ERC2: variants seen among roughly 807,000 people sequenced by gnomAD.
The protein encoded by ERC2 is ERC protein 2.
Under a neutral mutation model 114.8 loss-of-function variants are expected in ERC2, and 42 were observed. The observed-to-expected ratio is 0.37, with a 90% CI of 0.29 to 0.47. The LOEUF (loss-of-function observed/expected upper bound fraction) is 0.47, where lower values mean the gene tolerates loss of function less well. ERC2 is among the 20% of genes least tolerant of loss of function. The pLI is 0.99. For missense variants in ERC2, 939 were observed against 1,150.7 expected, an observed-to-expected ratio of 0.82 and a Z score of 2.66; for synonymous variants, 454 against 425.5, an observed-to-expected ratio of 1.07 and a Z score of -0.82.
chr3:55,865,563 A>C (rs1265550005), intron 14 of ERC2, among the ~76,000 whole-genome samples: 1 of 152,152 alleles, frequency 6.6e-6, no homozygotes, highest in Non-Finnish European at 1.5e-5. Context: ...ATCAAATTTT[A>C]GGAATTTTTT....
chr3:56,251,877 C>A (rs1221461854), intron 3 of ERC2, among the ~76,000 whole-genome samples: 1 of 152,192 alleles, frequency 6.6e-6, no homozygotes, highest in African/African-American at 2.4e-5. Context: ...TGGAGTTTCT[C>A]AAAACAATGT....
At chr3:56,128,087 T>C (rs942088293) in intron 6 of ERC2, among the ~76,000 whole-genome samples, 2 of 151,308 alleles carry the variant, frequency 1.3e-5, no homozygotes, top group African/African-American at 4.9e-5. Flanking sequence ...AATAAATAAA[T>C]TTTTAAATTT....
At chr3:56,341,388 G>T (rs540269115) in intron 2 of ERC2, among the ~76,000 whole-genome samples, 35 of 152,170 alleles carry the variant, frequency 2.3e-4, no homozygotes, top group Non-Finnish European at 3.7e-4. Context: ...GCCCCTGGGA[G>T]CCAAGCCTTC....
chr3:56,152,733 T>C (rs1443886164), intron 4 of ERC2, among the ~76,000 whole-genome samples: 2 of 152,182 alleles, frequency 1.3e-5, no homozygotes, highest in Non-Finnish European at 2.9e-5. Context: ...AAGATCTCAA[T>C]TGAGTGTCTC....
intron 14 of ERC2, among the ~76,000 whole-genome samples, chr3:55,832,308 G>C (rs2060639618): frequency 6.6e-6 from 1 of 152,214 alleles, no homozygotes; most frequent in Admixed American, 6.5e-5. Context: ...GCCTCCTCAA[G>C]TGGGTCCCTG....
chr3:55,689,811 A>G (rs1401702300), intron 16 of ERC2, among the ~76,000 whole-genome samples: 1 of 149,270 alleles, frequency 6.7e-6, no homozygotes, highest in African/African-American at 2.5e-5. Context: ...AAAAAAAAAG[A>G]AAAAAAAAAG....
At chr3:55,793,848 G>T (rs2070257515) in intron 14 of ERC2, among the ~76,000 whole-genome samples, 1 of 152,134 alleles carries the variant, frequency 6.6e-6, no homozygotes. Flanking sequence ...AGGCTTTCAT[G>T]AAATTTAAAA....
At chr3:55,925,123 A>G (rs891166842) in intron 13 of ERC2, among the ~76,000 whole-genome samples, 3 of 152,210 alleles carry the variant, frequency 2.0e-5, no homozygotes, top group African/African-American at 7.2e-5. Context: ...ATATGTTTGT[A>G]TAGAGAATGG....
intron 2 of ERC2, among the ~76,000 whole-genome samples, chr3:56,328,366 G>T (rs1416860271): frequency 6.6e-6 from 1 of 152,102 alleles, no homozygotes; most frequent in Non-Finnish European, 1.5e-5. Context: ...CTCACTAGAT[G>T]CAAAATCTAC....
At chr3:56,175,213 T>C (rs2082910186) in intron 3 of ERC2, among the ~76,000 whole-genome samples, 1 of 152,218 alleles carries the variant, frequency 6.6e-6, no homozygotes, top group Non-Finnish European at 1.5e-5. Context: ...ACCAGGAATC[T>C]GAAAAGAATA....
intron 7 of ERC2, among the ~76,000 whole-genome samples, chr3:56,028,601 C>T (rs557659670): frequency 6.3e-4 from 96 of 152,072 alleles, no homozygotes; most frequent in African/African-American, 2.3e-3. Flanking sequence ...CAATAGCTTC[C>T]ACATATTCTG....
At chr3:55,575,415 C>T (rs2056926328) in intron 17 of ERC2, among the ~76,000 whole-genome samples, 1 of 152,198 alleles carries the variant, frequency 6.6e-6, no homozygotes, top group Admixed American at 6.5e-5. Context: ...GGTCCTGTTA[C>T]CAGACTGCCT....
intron 6 of ERC2, among the ~76,000 whole-genome samples, chr3:56,118,210 C>CA (rs1187712658): frequency 3.9e-5 from 6 of 152,194 alleles, no homozygotes; most frequent in African/African-American, 7.2e-5. Flanking sequence ...ATGCTGAGCA[C>CA]ATGCTAGACA....
At chr3:55,912,535 C>T (rs1031384218) in intron 13 of ERC2, among the ~76,000 whole-genome samples, 3 of 152,034 alleles carry the variant, frequency 2.0e-5, no homozygotes, top group African/African-American at 7.2e-5. Context: ...TATGAAAATC[C>T]AACCCTCTTG....
chr3:56,156,690 T>C (rs2081741517), intron 4 of ERC2, among the ~76,000 whole-genome samples: 1 of 152,176 alleles, frequency 6.6e-6, no homozygotes, highest in South Asian at 2.1e-4. Context: ...TGTCAAGAGC[T>C]TTCTACATCC....
chr3:55,560,433 G>A (rs1186306429), intron 17 of ERC2, among the ~76,000 whole-genome samples: 2 of 152,272 alleles, frequency 1.3e-5, no homozygotes, highest in Non-Finnish European at 2.9e-5. Context: ...TGGTCTCCTG[G>A]AGCCCTAAGC....
At chr3:56,037,165 T>A (rs1278553106) in intron 7 of ERC2, among the ~76,000 whole-genome samples, 1 of 152,058 alleles carries the variant, frequency 6.6e-6, no homozygotes. Context: ...TTGCAATACA[T>A]CTCCAGCAAG....
At chr3:55,850,446 A>C (rs2061522566) in intron 14 of ERC2, among the ~76,000 whole-genome samples, 1 of 152,220 alleles carries the variant, frequency 6.6e-6, no homozygotes, top group Non-Finnish European at 1.5e-5. Context: ...GTAAGTAACT[A>C]TTTATAGAGG....
At chr3:55,699,067 TGAAA>T (rs2063088754) in intron 16 of ERC2, among the ~76,000 whole-genome samples, 1 of 152,064 alleles carries the variant, frequency 6.6e-6, no homozygotes, top group Admixed American at 6.5e-5. Context: ...CTTAAAACTC[TGAAA>T]GAGACATTCC....
Sources: gnomAD v4.1 joint callset for allele counts (sites outside exome capture counted in the v4.1 genomes callset) on GRCh38, gnomAD v4.1.1 for gene constraint, MANE v1.5 for transcripts, NCBI Gene and HGNC (gene_info 2026-07-23, HGNC 2026-07-21) for gene names.